The following CDH6 variants were observed in gnomAD, a reference collection of about 807,000 sequenced individuals.
CDH6 encodes the protein cadherin-6.
Under a neutral mutation model 78.0 loss-of-function variants are expected in CDH6, and 31 were observed. That is an observed-to-expected ratio of 0.40 (90% CI 0.30 to 0.54). The LOEUF is 0.54. Ranked by LOEUF, CDH6 falls within the 20% of genes least tolerant of loss-of-function variation. CDH6 has a pLI of 0.56. For missense variants in CDH6, 724 were observed against 975.9 expected, an observed-to-expected ratio of 0.74 and a Z score of 3.44; for synonymous variants, 376 against 368.8, an observed-to-expected ratio of 1.02 and a Z score of -0.23.
chr5:31,197,892 T>A (rs1019442257), intron 1 of CDH6, among the ~76,000 whole-genome samples: 3 of 152,194 alleles, frequency 2.0e-5, no homozygotes, highest in African/African-American at 7.2e-5. Context: ...TCTACTTTTT[T>A]AAGTTTCTAT....
chr5:31,253,668 T>C (rs1741974075), intron 1 of CDH6, among the ~76,000 whole-genome samples: 3 of 152,184 alleles, frequency 2.0e-5, no homozygotes, highest in African/African-American at 7.2e-5. Context: ...TTTCAACATA[T>C]AATTTTTGCA....
intron 1 of CDH6, among the ~76,000 whole-genome samples, chr5:31,207,323 T>C (rs1438961643): frequency 6.6e-6 from 1 of 152,212 alleles, no homozygotes; most frequent in Non-Finnish European, 1.5e-5. Context: ...GTTGAATGTG[T>C]TGACACTCAC....
At chr5:31,314,922 T>C (rs1418855190) in intron 8 of CDH6, among the ~76,000 whole-genome samples, 1 of 152,154 alleles carries the variant, frequency 6.6e-6, no homozygotes, top group Non-Finnish European at 1.5e-5. Context: ...CAAAGAATAA[T>C]ATGAGTAAAA....
chr5:31,272,687 G>T (rs1347732332), intron 2 of CDH6, among the ~76,000 whole-genome samples: 1 of 152,136 alleles, frequency 6.6e-6, no homozygotes, highest in Non-Finnish European at 1.5e-5. Flanking sequence ...ATTCCCATCT[G>T]CTCCATTTTA....
chr5:31,326,574 C>A lies in CDH6; in HGVS notation c.*3266C>A, dbSNP rs1253531620. On this transcript the variant is annotated 3_prime_UTR_variant, in exon 12 of 12. Transcript: ENST00000265071. Reference sequence around the variant, plus strand: ...GGATGTTCAGCAATGAAATTACTCCCTTTTCAGATGGAACAAAACCTGCCC... The same window carrying A: ...GGATGTTCAGCAATGAAATTACTCCATTTTCAGATGGAACAAAACCTGCCC... The A allele has an allele frequency of 1.1e-5, 2 of 189,470 alleles. No individual in the cohort carries two copies. Among genetic ancestry groups the A allele is most frequent in the African/African-American group, 4.7e-5 (2 of 42,828 alleles). The allele number at this position is 189,470 out of a possible 1,614,324, so 11.7% of individuals were successfully genotyped here.
In CDH6 at chr5:31,317,685, G is replaced by C; in HGVS notation, c.1643G>C (p.Gly548Ala). Residue 548 changes from glycine (G) to alanine (A), a missense_variant, in exon 11 of 12, where the codon GGA becomes GCA. This residue lies in a region of CDH6 where 446 missense variants were observed against 684.5 expected (regional missense o/e 0.65). Coordinates refer to ENST00000265071, the MANE Select transcript of CDH6 (RefSeq NM_004932.4). ...TTTCCGGTTCCAGACAACACGGCGG[G>C]AATCTTAACTCGGAAAAATGGCTAT... ...TIQDNKDNTAGILTRKNGYNR... is the reference protein window; with the variant it reads ...TIQDNKDNTAAILTRKNGYNR... 6.2e-7 allele frequency: 1 copy of C among 1,608,896 alleles called. No individual in the cohort carries two copies. Among genetic ancestry groups the C allele is most frequent in the Non-Finnish European group, 8.5e-7 (1 of 1,175,648 alleles).
Position 31,326,625 on chromosome 5 carries a change from A to G in CDH6, c.*3317A>G, listed in dbSNP as rs1467475864. On this transcript the variant is annotated 3_prime_UTR_variant, in exon 12 of 12. Transcript: ENST00000265071. ...ATTTAATTTTAACGCAGTATAAAAA[A>G]CGTGTGGTTTAGTTTTTATTTTCAG... 1.1e-5 allele frequency: 2 copies of G among 181,394 alleles called. No homozygotes were observed. Among genetic ancestry groups the G allele is most frequent in the Non-Finnish European group, 2.3e-5 (2 of 85,152 alleles). 11.2% of individuals were successfully genotyped at this position (181,394 alleles called of 1,614,324 possible). A position where few individuals can be genotyped will look rare whatever the true frequency, so the allele number is the denominator to read the frequency against.
At chr5:31,201,678 C>A (rs1740352601) in intron 1 of CDH6, among the ~76,000 whole-genome samples, 1 of 152,028 alleles carries the variant, frequency 6.6e-6, no homozygotes, top group Non-Finnish European at 1.5e-5. Context: ...CCATGAAATC[C>A]AAAAGTCTGG....
intron 2 of CDH6, among the ~76,000 whole-genome samples, chr5:31,269,097 A>G (rs544630134): frequency 6.6e-6 from 1 of 152,218 alleles, no homozygotes; most frequent in Non-Finnish European, 1.5e-5. Flanking sequence ...GTAAAAAATA[A>G]TCATCATCTT....
intron 1 of CDH6, among the ~76,000 whole-genome samples, chr5:31,230,860 G>A (rs1005534492): frequency 2.6e-5 from 4 of 152,090 alleles, no homozygotes; most frequent in African/African-American, 9.7e-5. Context: ...AATTGTAGGG[G>A]ACTTCATGAA....
chr5:31,246,632 A>AG (rs1245818612), intron 1 of CDH6, among the ~76,000 whole-genome samples: 1 of 152,232 alleles, frequency 6.6e-6, no homozygotes, highest in Non-Finnish European at 1.5e-5. Flanking sequence ...ACAAACTTTG[A>AG]GGGGCAAACA....
chr5:31,236,902 G>T (rs184765367), intron 1 of CDH6, among the ~76,000 whole-genome samples: 24 of 152,286 alleles, frequency 1.6e-4, no homozygotes, highest in African/African-American at 5.8e-4. Flanking sequence ...GATTTCAGAT[G>T]CTTGGGGAGT....
At chr5:31,320,065 C>A (rs750012787) in intron 11 of CDH6, among the ~76,000 whole-genome samples, 17 of 152,182 alleles carry the variant, frequency 1.1e-4, no homozygotes, top group Non-Finnish European at 2.5e-4. Flanking sequence ...TGTCCTCTGG[C>A]TTCAAAAGGG....
At chr5:31,256,782 T>G (rs1561045346) in intron 1 of CDH6, among the ~76,000 whole-genome samples, 1 of 152,192 alleles carries the variant, frequency 6.6e-6, no homozygotes, top group Non-Finnish European at 1.5e-5. Flanking sequence ...TCATAGCTAA[T>G]AAGTATTGAT....
At position 31,269,876 on chromosome 5, in the gene CDH6, T is replaced by G. The variant is rs555045505; in HGVS notation, c.228+2175T>G. The stretch of plus-strand genomic sequence containing the variant: ...CTCCTTGTAGTTATAACACATGAGA[T>G]ATTTGCTGGAAAAAAAAATCAAGGG... On this transcript the variant is annotated intron_variant, in intron 2 of 11. Coordinates refer to ENST00000265071, the MANE Select transcript of CDH6 (RefSeq NM_004932.4). Among the ~76,000 whole-genome samples the G allele has an allele frequency of 1.4e-3, 209 of 152,246 alleles. 1 individual carries two copies. The highest frequency in any genetic ancestry group is 4.9e-3 in the African/African-American group (205 of 41,552).
chr5:31,247,233 A>G (rs116808646), intron 1 of CDH6, among the ~76,000 whole-genome samples: 592 of 152,342 alleles, frequency 3.9e-3, no homozygotes, highest in Non-Finnish European at 6.9e-3. Context: ...AATAGCTAGT[A>G]GGTATCTGCT....
chr5:31,273,801 A>G (rs1211376032), intron 2 of CDH6, among the ~76,000 whole-genome samples: 1 of 152,242 alleles, frequency 6.6e-6, no homozygotes, highest in Non-Finnish European at 1.5e-5. Flanking sequence ...TGTTATGCAC[A>G]TTCCTTTCAC....
chr5:31,199,092 C>T (rs1048846717), intron 1 of CDH6, among the ~76,000 whole-genome samples: 1 of 151,858 alleles, frequency 6.6e-6, no homozygotes, highest in Non-Finnish European at 1.5e-5. Context: ...CCAAAGTATA[C>T]AGTAATAATA....
chr5:31,224,407 A>G (rs1741089055), intron 1 of CDH6, among the ~76,000 whole-genome samples: 2 of 152,222 alleles, frequency 1.3e-5, no homozygotes, highest in Non-Finnish European at 2.9e-5. Context: ...TCACCCTGTA[A>G]GACATGGATG....
Sources: allele counts gnomAD v4.1 joint callset (sites outside exome capture counted in the v4.1 genomes callset), GRCh38; gene constraint gnomAD v4.1.1; regional missense constraint gnomAD v4.1.1; transcripts MANE v1.5; gene names NCBI Gene and HGNC (gene_info 2026-07-23, HGNC 2026-07-21).